Variants in FAM184B observed in about 807,000 individuals in gnomAD.
FAM184B encodes the protein family with sequence similarity 184 member B.
In FAM184B, 111 loss-of-function variants were observed where a neutral mutation model predicts 135.9. That is an observed-to-expected ratio of 0.82 (90% confidence interval 0.70 to 0.96). FAM184B has a LOEUF of 0.96. Among genes scored for constraint, FAM184B ranks in the 40% least tolerant of loss-of-function variants. FAM184B has a pLI of 0.00. For synonymous variants in FAM184B, 552 were observed against 524.8 expected (o/e 1.05, Z -0.71); for missense variants, 1,375 against 1,323.9 (o/e 1.04, Z -0.60).
At chr4:17,744,540 T>C (rs1402486842) in intron 1 of FAM184B, among the ~76,000 whole-genome samples, 1 of 151,360 alleles carries the variant, frequency 6.6e-6, no homozygotes, top group Non-Finnish European at 1.5e-5. Context: ...CTCTCATCTC[T>C]GCTGGTCTTC....
rs1715339447 is a variant in FAM184B at position 17,642,109 on chromosome 4, G to A, written c.2466C>T (p.Arg822=). 6.5e-7 allele frequency: 1 copy of A among 1,532,800 alleles called. No homozygotes were observed. The highest frequency in any genetic ancestry group is 8.7e-7 in the Non-Finnish European group (1 of 1,145,330). 94.9% of individuals were successfully genotyped at this position (1,532,800 alleles called of 1,614,324 possible). ...AQLQDAVRRL[R]AEVEQHQQEA... ...CCTGCTGATGCTGCTCCACCTCCGC[G>A]CGCAGCCGCCGCACCGCGTCCTGGA... is the stretch of plus-strand genomic sequence containing the variant. Residue 822 remains arginine, a synonymous_variant, in exon 13 of 18, where the codon CGC becomes CGT. Transcript: ENST00000265018.
At chr4:17,677,436 A>C (rs775501009) in intron 7 of FAM184B, among the ~76,000 whole-genome samples, 37 of 152,302 alleles carry the variant, frequency 2.4e-4, no homozygotes, top group Admixed American at 1.0e-3. Flanking sequence ...CTAGAGGAGA[A>C]GGATAAATTC....
At chr4:17,680,210 T>C (rs1716403556) in intron 7 of FAM184B, among the ~76,000 whole-genome samples, 1 of 152,194 alleles carries the variant, frequency 6.6e-6, no homozygotes, top group Non-Finnish European at 1.5e-5. Flanking sequence ...TCAAAATATG[T>C]CACACATGAT....
intron 1 of FAM184B, among the ~76,000 whole-genome samples, chr4:17,758,135 G>A (rs146901738): frequency 1.7e-3 from 256 of 152,288 alleles, no homozygotes; most frequent in African/African-American, 5.6e-3. Flanking sequence ...CTAGTCTCCA[G>A]TTTGCGAACT....
chr4:17,737,880 G>C (rs564656942), intron 1 of FAM184B, among the ~76,000 whole-genome samples: 1 of 152,148 alleles, frequency 6.6e-6, no homozygotes, highest in African/African-American at 2.4e-5. Flanking sequence ...GCTGAGGAAC[G>C]CAAAGATACA....
Position 17,632,505 on chromosome 4 carries a change from C to T in FAM184B, c.*27G>A. On this transcript the variant is annotated 3_prime_UTR_variant, in exon 18 of 18. Coordinates refer to ENST00000265018, the MANE Select transcript of FAM184B (RefSeq NM_015688.2). ...TTTAAAATAAATGTTTTTCAAGTAT[C>T]CTCTGTGATGTATCCCAAAGGTTAG... The T allele has an allele frequency of 6.7e-7, 1 of 1,486,026 alleles. No individual in the cohort carries two copies. 92.1% of individuals were successfully genotyped at this position (1,486,026 alleles called of 1,614,324 possible).
chr4:17,710,675 GA>G (rs934686604), intron 1 of FAM184B, among the ~76,000 whole-genome samples: 5 of 150,488 alleles, frequency 3.3e-5, no homozygotes, highest in Middle Eastern at 3.2e-3. Context: ...TAACACAAAA[GA>G]AAAAAAAATG....
At chr4:17,661,900 TGTA>T (rs1715930016) in intron 8 of FAM184B, among the ~76,000 whole-genome samples, 6 of 152,226 alleles carry the variant, frequency 3.9e-5, no homozygotes, top group Admixed American at 3.9e-4. Flanking sequence ...AAAATTTACA[TGTA>T]GTGAAGTGCA....
At chr4:17,716,805 C>T (rs1211583767) in intron 1 of FAM184B, among the ~76,000 whole-genome samples, 1 of 151,828 alleles carries the variant, frequency 6.6e-6, no homozygotes, top group African/African-American at 2.4e-5. Context: ...CCAGAGCTTA[C>T]CCTTTATTTT....
chr4:17,766,030 C>T (rs1718674841), intron 1 of FAM184B, among the ~76,000 whole-genome samples: 1 of 152,180 alleles, frequency 6.6e-6, no homozygotes, highest in African/African-American at 2.4e-5. Context: ...TGCAGACCTT[C>T]CCCGTGAGTG....
chr4:17,639,123 G>A (rs181207330), intron 14 of FAM184B, 127 bp downstream of exon 14: 102 of 946,320 alleles, frequency 1.1e-4, no homozygotes, highest in South Asian at 1.9e-4. Flanking sequence ...ATGAGCCACC[G>A]TGCCTGGCCA....
In FAM184B at chr4:17,661,770, T is replaced by C. The variant is rs1180203836; in HGVS notation, c.1695-1683A>G. Among the ~76,000 whole-genome samples, 48 of 152,112 alleles carry C rather than the reference T, an allele frequency of 3.2e-4. 1 individual carries two copies. The highest frequency in any genetic ancestry group is 1.5e-5 in the Non-Finnish European group (1 of 68,020). On this transcript the variant is annotated intron_variant, in intron 8 of 17. Transcript: ENST00000265018. ...AGAGAAACTGGAGGAGCAGCCTCGGTCAAGAGTGAGAGGTGGCACCACCAG... is the reference window on the plus strand; with the variant it reads ...AGAGAAACTGGAGGAGCAGCCTCGGCCAAGAGTGAGAGGTGGCACCACCAG...
At chr4:17,745,549 A>C (rs754316615) in intron 1 of FAM184B, among the ~76,000 whole-genome samples, 1 of 152,162 alleles carries the variant, frequency 6.6e-6, no homozygotes, top group African/African-American at 2.4e-5. Context: ...GCTGTATCGC[A>C]GTCTGAGGGT....
chr4:17,674,651 T>C (rs1228179052), intron 7 of FAM184B, among the ~76,000 whole-genome samples: 1 of 152,206 alleles, frequency 6.6e-6, no homozygotes, highest in Non-Finnish European at 1.5e-5. Flanking sequence ...CAGTAGAACG[T>C]CTTTAAAAAT....
intron 8 of FAM184B, among the ~76,000 whole-genome samples, chr4:17,661,198 T>C (rs1166926753): frequency 6.6e-6 from 1 of 152,174 alleles, no homozygotes; most frequent in Non-Finnish European, 1.5e-5. Flanking sequence ...CCATAAGGAT[T>C]AGTAGAGTCA....
At chr4:17,708,663 C>T (rs1410215386) in intron 2 of FAM184B, among the ~76,000 whole-genome samples, 1 of 16,978 alleles carries the variant, frequency 5.9e-5, no homozygotes, top group Non-Finnish European at 1.0e-4. Flanking sequence ...GGAAACAAAA[C>T]TATATATATA....
intron 1 of FAM184B, among the ~76,000 whole-genome samples, chr4:17,725,383 C>T (rs1324923970): frequency 6.6e-6 from 1 of 152,088 alleles, no homozygotes; most frequent in East Asian, 1.9e-4. Context: ...AATTATTATC[C>T]CCACTTAGCC....
At chr4:17,775,994 T>C (rs181358249) in intron 1 of FAM184B, among the ~76,000 whole-genome samples, 2 of 152,304 alleles carry the variant, frequency 1.3e-5, no homozygotes, top group East Asian at 1.9e-4. Flanking sequence ...TAAATCTATA[T>C]AAATTAAAAA....
At chr4:17,681,065 AG>A (rs934335363) in intron 7 of FAM184B, among the ~76,000 whole-genome samples, 2 of 152,248 alleles carry the variant, frequency 1.3e-5, no homozygotes, top group African/African-American at 4.8e-5. Context: ...AGTTCTGAAA[AG>A]TGACTTCATA....
Sources: allele counts gnomAD v4.1 joint callset (sites outside exome capture counted in the v4.1 genomes callset), GRCh38; gene constraint gnomAD v4.1.1; transcripts MANE v1.5; gene names NCBI Gene and HGNC (gene_info 2026-07-23, HGNC 2026-07-21).